The following IGF1R variants were observed in gnomAD, a reference collection of about 807,000 sequenced individuals.
The protein encoded by IGF1R is insulin like growth factor 1 receptor.
Under a neutral mutation model 144.6 loss-of-function variants are expected in IGF1R, and 44 were observed. The ratio of observed to expected loss-of-function variants is 0.30; its 90% CI spans 0.24 to 0.39. The LOEUF is 0.39. Among genes scored for constraint, IGF1R ranks in the 10% least tolerant of loss-of-function variants. IGF1R has a pLI of 1.00. For synonymous variants in IGF1R, 795 were observed against 722.8 expected (o/e 1.10, Z -1.60); for missense variants, 1,355 against 1,833.7 (o/e 0.74, Z 4.77).
intron 2 of IGF1R, among the ~76,000 whole-genome samples, chr15:98,717,126 C>T (rs546069895): frequency 3.9e-5 from 6 of 152,122 alleles, no homozygotes; most frequent in Non-Finnish European, 8.8e-5. Flanking sequence ...AAACTACGTT[C>T]CTGTGTGGAC....
At chr15:98,746,781 G>A (rs750302834) in intron 2 of IGF1R, among the ~76,000 whole-genome samples, 4 of 152,132 alleles carry the variant, frequency 2.6e-5, no homozygotes, top group Non-Finnish European at 4.4e-5. Flanking sequence ...TTTGAGAGTT[G>A]AGGCCCCCAG....
chr15:98,755,878 C>T (rs926858590), intron 2 of IGF1R, among the ~76,000 whole-genome samples: 4 of 151,424 alleles, frequency 2.6e-5, no homozygotes, highest in Non-Finnish European at 5.9e-5. Flanking sequence ...TAATTTTTAT[C>T]GGAAGAGGCT....
chr15:98,763,541 C>T (rs1434490587), intron 2 of IGF1R, among the ~76,000 whole-genome samples: 1 of 151,930 alleles, frequency 6.6e-6, no homozygotes, highest in African/African-American at 2.4e-5. Flanking sequence ...CCTCCCCACC[C>T]ATCTCTCCTT....
At chr15:98,677,861 G>A (rs554550208) in intron 1 of IGF1R, among the ~76,000 whole-genome samples, 1 of 152,274 alleles carries the variant, frequency 6.6e-6, no homozygotes, top group East Asian at 1.9e-4. Flanking sequence ...ATGGCTAGTG[G>A]GTTGGGCATG....
At chr15:98,842,531 GTTGATGTAA>G (rs1332344973) in intron 2 of IGF1R, among the ~76,000 whole-genome samples, 1 of 152,206 alleles carries the variant, frequency 6.6e-6, no homozygotes, top group Non-Finnish European at 1.5e-5. Context: ...ATTAGAAAAG[GTTGATGTAA>G]TTGATGTGTT....
intron 2 of IGF1R, among the ~76,000 whole-genome samples, chr15:98,803,905 A>G (rs2056416140): frequency 6.6e-6 from 1 of 152,256 alleles, no homozygotes; most frequent in South Asian, 2.1e-4. Context: ...TATTATCATT[A>G]TCACATATTA....
intron 2 of IGF1R, among the ~76,000 whole-genome samples, chr15:98,780,279 G>T (rs2055824791): frequency 6.6e-6 from 1 of 152,010 alleles, no homozygotes. Context: ...GGCCGGGTGT[G>T]GTGGCTCACA....
Position 98,883,418 on chromosome 15 carries a change from G to A in IGF1R, c.641-7907G>A, listed in dbSNP as rs45598831. 3.7e-3 allele frequency among the ~76,000 whole-genome samples: 566 copies of A among 152,266 alleles called. 5 individuals carry two copies. Among genetic ancestry groups the A allele is most frequent in the African/African-American group, 0.013 (530 of 41,538 alleles). On this transcript the variant is annotated intron_variant, in intron 2 of 20. Transcript: ENST00000650285. Reference sequence around the variant, plus strand: ...TATGTGCAGCATTTGGTTTTACCTCGTGGGTCTAAGCATTTTCAACTAAGC... The same window carrying A: ...TATGTGCAGCATTTGGTTTTACCTCATGGGTCTAAGCATTTTCAACTAAGC...
intron 1 of IGF1R, among the ~76,000 whole-genome samples, chr15:98,690,561 G>T (rs1324066342): frequency 6.6e-6 from 1 of 152,086 alleles, no homozygotes; most frequent in Non-Finnish European, 1.5e-5. Flanking sequence ...ATAAATTTTG[G>T]CTCTCTTCCT....
At chr15:98,865,990 T>C (rs2012420307) in intron 2 of IGF1R, among the ~76,000 whole-genome samples, 1 of 151,858 alleles carries the variant, frequency 6.6e-6, no homozygotes, top group Non-Finnish European at 1.5e-5. Flanking sequence ...GCTCCCAGAG[T>C]AGATACAACT....
In IGF1R at chr15:98,961,194, A is replaced by AC; in HGVS notation, c.*3756dup. 4.3e-6 allele frequency: 1 copy of AC among 233,490 alleles called. No homozygotes were observed. The highest frequency in any genetic ancestry group is 6.0e-5 in the East Asian group (1 of 16,564). The allele number at this position is 233,490 out of a possible 1,614,324, so 14.5% of individuals were successfully genotyped here. On this transcript the variant is annotated 3_prime_UTR_variant, in exon 21 of 21. Coordinates refer to ENST00000650285, the MANE Select transcript of IGF1R (RefSeq NM_000875.5). ...GTTTTGTTCTTCCACACTGTAGGTG[A>AC]CCCCTTGGAATAACGGCCTCTCCTC...
intron 11 of IGF1R, among the ~76,000 whole-genome samples, chr15:98,923,457 G>A (rs2015576219): frequency 6.6e-6 from 1 of 152,242 alleles, no homozygotes; most frequent in Non-Finnish European, 1.5e-5. Context: ...TGCTTACTCA[G>A]CATCTTTCCA....
chr15:98,826,424 T>C (rs1339489880), intron 2 of IGF1R, among the ~76,000 whole-genome samples: 1 of 152,210 alleles, frequency 6.6e-6, no homozygotes, highest in East Asian at 1.9e-4. Flanking sequence ...ATTGTTTTCC[T>C]GAAAGCAAAA....
chr15:98,789,818 G>A (rs573178930), intron 2 of IGF1R, among the ~76,000 whole-genome samples: 1 of 152,284 alleles, frequency 6.6e-6, no homozygotes, highest in African/African-American at 2.4e-5. Flanking sequence ...AGCTTTGGGG[G>A]CGAGTTATCT....
chr15:98,756,802 T>A (rs767200037), intron 2 of IGF1R, among the ~76,000 whole-genome samples: 1 of 152,202 alleles, frequency 6.6e-6, no homozygotes, highest in South Asian at 2.1e-4. Context: ...AGACAGTTGA[T>A]CTCCTTTTTG....
chr15:98,713,224 C>T (rs2054036423), intron 2 of IGF1R, among the ~76,000 whole-genome samples: 1 of 152,080 alleles, frequency 6.6e-6, no homozygotes, highest in African/African-American at 2.4e-5. Flanking sequence ...CTTTTTGCCC[C>T]ACTGTAAATT....
rs1355010727 is a variant in IGF1R at position 98,781,034 on chromosome 15, A to G, written c.640+72927A>G. On this transcript the variant is annotated intron_variant, in intron 2 of 20. Coordinates refer to ENST00000650285, the MANE Select transcript of IGF1R (RefSeq NM_000875.5). Reference sequence around the variant, plus strand: ...CTTCTCAGGAGGCTGAGGTGGGAGGACTACTTGAGCCCAGGAGGTCAAGAC... The same window carrying G: ...CTTCTCAGGAGGCTGAGGTGGGAGGGCTACTTGAGCCCAGGAGGTCAAGAC... Among the ~76,000 whole-genome samples the G allele has an allele frequency of 4.6e-5, 7 of 152,290 alleles. No homozygotes were observed. In the East Asian group the frequency reaches 1.2e-3, roughly 25 times the overall value.
At chr15:98,735,471 G>C (rs994516221) in intron 2 of IGF1R, among the ~76,000 whole-genome samples, 25 of 152,248 alleles carry the variant, frequency 1.6e-4, no homozygotes, top group African/African-American at 6.0e-4. Flanking sequence ...ATCTGTTCCA[G>C]TGGCACAGAC....
At chr15:98,688,037 A>G (rs2053373641) in intron 1 of IGF1R, among the ~76,000 whole-genome samples, 1 of 152,132 alleles carries the variant, frequency 6.6e-6, no homozygotes, top group Non-Finnish European at 1.5e-5. Context: ...GGTTTGTAGC[A>G]TGGAACAGAG....
Sources: gnomAD v4.1 joint callset for allele counts (sites outside exome capture counted in the v4.1 genomes callset) on GRCh38, gnomAD v4.1.1 for gene constraint, MANE v1.5 for transcripts, NCBI Gene and HGNC (gene_info 2026-07-23, HGNC 2026-07-21) for gene names.